Variants in TP53BP2 observed in about 807,000 individuals in gnomAD.
TP53BP2 encodes apoptosis-stimulating of p53 protein 2.
A neutral mutation model predicts 126.2 loss-of-function variants in TP53BP2; 62 were observed. That is an observed-to-expected ratio of 0.49 (90% CI 0.40 to 0.61). The LOEUF is 0.61. Ranked by LOEUF, TP53BP2 falls within the 20% of genes least tolerant of loss-of-function variation. TP53BP2 has a pLI of 0.00. For synonymous variants in TP53BP2, 485 were observed against 502.9 expected, an observed-to-expected ratio of 0.96 and a Z score of 0.48; for missense variants, 1,215 against 1,402.8, an observed-to-expected ratio of 0.87 and a Z score of 2.14.
At chr1:223,801,641 C>T (rs16842259) in intron 9 of TP53BP2, among the ~76,000 whole-genome samples, 6,584 of 152,210 alleles carry the variant, frequency 0.043, 414 homozygotes, top group African/African-American at 0.14. Flanking sequence ...CTTTTAATCT[C>T]CCAATATGTT....
chr1:223,795,207 T>TA (rs373312142), intron 13 of TP53BP2, among the ~76,000 whole-genome samples: 4 of 152,284 alleles, frequency 2.6e-5, no homozygotes, highest in Non-Finnish European at 4.4e-5. Flanking sequence ...TTTCGTATGT[T>TA]AAAGTACAAA....
chr1:223,783,619 G>A (rs1361220792), intron 17 of TP53BP2, among the ~76,000 whole-genome samples: 1 of 152,120 alleles, frequency 6.6e-6, no homozygotes, highest in Non-Finnish European at 1.5e-5. Context: ...GCCTTCCCCT[G>A]AAAATACTCC....
chr1:223,787,461 C>G (rs1662009746), intron 16 of TP53BP2, among the ~76,000 whole-genome samples: 1 of 151,860 alleles, frequency 6.6e-6, no homozygotes, highest in Admixed American at 6.6e-5. Flanking sequence ...AAAACATAAA[C>G]AAAGGCTGGG....
chr1:223,784,352 A>G, intron 16 of TP53BP2, 38 bp from the exon 17 acceptor site: 2 of 1,588,126 alleles, frequency 1.3e-6, no homozygotes, highest in South Asian at 2.2e-5. Context: ...CAGAATATAC[A>G]ACTTGGAGTA....
At chr1:223,784,427 T>C in intron 16 of TP53BP2, 113 bp from the exon 17 acceptor site, 2 of 895,592 alleles carry the variant, frequency 2.2e-6, no homozygotes, top group Middle Eastern at 2.8e-4. Context: ...GCTGGAATGT[T>C]AGTACTACAT....
At chr1:223,840,124 ATTTC>A (rs1664058451) in intron 1 of TP53BP2, among the ~76,000 whole-genome samples, 1 of 152,212 alleles carries the variant, frequency 6.6e-6, no homozygotes, top group Middle Eastern at 3.2e-3. Flanking sequence ...TAAAATTTGC[ATTTC>A]TTTAATAAGA....
chr1:223,820,998 T>C (rs1352968789), intron 2 of TP53BP2: 1 of 595,266 alleles, frequency 1.7e-6, no homozygotes. Context: ...GATGACCTTT[T>C]GTATTTTATA....
At chr1:223,810,282 T>C (rs1436579016) in intron 4 of TP53BP2, 149 bp downstream of exon 4, 4 of 531,372 alleles carry the variant, frequency 7.5e-6, no homozygotes, top group African/African-American at 1.9e-5. Context: ...TCATTAAAAT[T>C]AATAGTTTCT....
chr1:223,831,264 T>G (rs1025861959), intron 1 of TP53BP2, among the ~76,000 whole-genome samples: 1 of 148,382 alleles, frequency 6.7e-6, no homozygotes, highest in African/African-American at 2.5e-5. Context: ...TGTGGTAGCA[T>G]GTACCTGTAG....
intron 1 of TP53BP2, among the ~76,000 whole-genome samples, chr1:223,826,724 G>A (rs926067438): frequency 5.3e-5 from 8 of 152,136 alleles, no homozygotes; most frequent in African/African-American, 1.9e-4. Flanking sequence ...AGAGGTTACT[G>A]GAGGATTTTG....
intron 17 of TP53BP2, among the ~76,000 whole-genome samples, chr1:223,782,541 G>A (rs1661809542): frequency 6.6e-6 from 1 of 152,168 alleles, no homozygotes; most frequent in Admixed American, 6.5e-5. Flanking sequence ...GGAGTGCAGT[G>A]GCACGATCTC....
chr1:223,828,610 C>T (rs551386575), intron 1 of TP53BP2, among the ~76,000 whole-genome samples: 1 of 152,244 alleles, frequency 6.6e-6, no homozygotes, highest in Admixed American at 6.5e-5. Flanking sequence ...AGAAGCACAT[C>T]TTAAAAGTCC....
At chr1:223,808,806 T>G (rs1222103087) in intron 4 of TP53BP2, among the ~76,000 whole-genome samples, 1 of 142,758 alleles carries the variant, frequency 7.0e-6, no homozygotes, top group East Asian at 2.0e-4. Flanking sequence ...GGGCAAAAGA[T>G]TTGAACAAAT....
intron 16 of TP53BP2, among the ~76,000 whole-genome samples, chr1:223,786,667 C>A (rs1281245410): frequency 6.6e-6 from 1 of 151,204 alleles, no homozygotes; most frequent in Non-Finnish European, 1.5e-5. Flanking sequence ...AGTGCAGTGG[C>A]GTGATCTCAG....
chr1:223,840,464 A>T (rs1664067574), intron 1 of TP53BP2, among the ~76,000 whole-genome samples: 1 of 152,194 alleles, frequency 6.6e-6, no homozygotes, highest in Admixed American at 6.5e-5. Context: ...TAAACTCTTA[A>T]TTCCTGTTCT....
intron 6 of TP53BP2, 77 bp downstream of exon 6, chr1:223,804,097 C>T (rs879835459): frequency 1.0e-5 from 15 of 1,470,602 alleles, no homozygotes; most frequent in Non-Finnish European, 1.4e-5. Flanking sequence ...CCAGCCTGGG[C>T]AACACAGTAA....
intron 5 of TP53BP2, 141 bp from the exon 6 acceptor site, chr1:223,804,489 T>C: frequency 1.4e-6 from 1 of 727,068 alleles, no homozygotes; most frequent in Admixed American, 2.8e-5. Flanking sequence ...TCCTAAACAC[T>C]GCCATCAGAA....
chr1:223,841,218 G>T (rs1159426433), intron 1 of TP53BP2, among the ~76,000 whole-genome samples: 1 of 149,132 alleles, frequency 6.7e-6, no homozygotes, highest in Non-Finnish European at 1.5e-5. Flanking sequence ...ACTCCAGCCT[G>T]GACTACAGAG....
At chr1:223,839,931 C>G (rs1664053485) in intron 1 of TP53BP2, among the ~76,000 whole-genome samples, 1 of 151,186 alleles carries the variant, frequency 6.6e-6, no homozygotes, top group African/African-American at 2.5e-5. Flanking sequence ...TAGAGCAAGA[C>G]TCTGTCTAAA....
Sources: gnomAD v4.1 joint callset for allele counts (sites outside exome capture counted in the v4.1 genomes callset) on GRCh38, gnomAD v4.1.1 for gene constraint, MANE v1.5 for transcripts, NCBI Gene and HGNC (gene_info 2026-07-23, HGNC 2026-07-21) for gene names.